The following NRP1 variants were observed in gnomAD, a reference collection of about 807,000 sequenced individuals.
The protein encoded by NRP1 is neuropilin 1.
In NRP1, 35 loss-of-function variants were observed where a neutral mutation model predicts 106.7. That is an observed-to-expected ratio of 0.33 (90% confidence interval 0.25 to 0.43). The LOEUF is 0.43. NRP1 is among the 20% of genes least tolerant of loss of function. The probability of loss-of-function intolerance (pLI) is 1.00; values close to 1 mark genes in which losing one functional copy is unlikely to be tolerated. For missense variants in NRP1, 1,024 were observed against 1,170.4 expected, an observed-to-expected ratio of 0.87 and a Z score of 1.83; for synonymous variants, 437 against 417.9, an observed-to-expected ratio of 1.05 and a Z score of -0.56.
At chr10:33,243,288 T>C (rs1841159906) in intron 6 of NRP1, among the ~76,000 whole-genome samples, 1 of 152,184 alleles carries the variant, frequency 6.6e-6, no homozygotes, top group African/African-American at 2.4e-5. Context: ...ATTATCATAG[T>C]GTTTAAGACA....
At chr10:33,247,146 TAACTTTAAAGATAA>T (rs1426923895) in intron 6 of NRP1, among the ~76,000 whole-genome samples, 5 of 152,232 alleles carry the variant, frequency 3.3e-5, no homozygotes, top group Non-Finnish European at 1.5e-5. Context: ...GGGGAGATTC[TAACTTTAAAGATAA>T]AACAAGGGTT....
Position 33,311,115 on chromosome 10 carries a change from G to A in NRP1, c.248+19593C>T, listed in dbSNP as rs202123472. Among the ~76,000 whole-genome samples the A allele has an allele frequency of 2.6e-5, 4 of 152,196 alleles. No homozygotes were observed. In the East Asian group the frequency reaches 7.7e-4, roughly 29 times the overall value. ...AAACATCTAAGTTAGAGCTAGCAGA[G>A]GGTGTCTAACATGGAGAATACGCAT... On this transcript the variant is annotated intron_variant, in intron 2 of 16. Transcript: ENST00000374867.
At chr10:33,192,723 C>G (rs1378921473) in intron 12 of NRP1, among the ~76,000 whole-genome samples, 1 of 152,196 alleles carries the variant, frequency 6.6e-6, no homozygotes, top group East Asian at 1.9e-4. Context: ...ACGTGTATTA[C>G]ATTTGCTGCA....
At chr10:33,194,914 A>C (rs1170610655) in intron 12 of NRP1, 4 of 337,786 alleles carry the variant, frequency 1.2e-5, no homozygotes, top group Non-Finnish European at 1.8e-5. Context: ...ACAAACATAT[A>C]GGACTACTGA....
intron 6 of NRP1, among the ~76,000 whole-genome samples, chr10:33,249,084 G>GTTTTTTTTA (rs1841643256): frequency 1.4e-5 from 1 of 72,198 alleles, no homozygotes; most frequent in African/African-American, 5.8e-5. Flanking sequence ...TATGTCTCTT[G>GTTTTTTTTA]TTTTTTTTTT....
intron 2 of NRP1, among the ~76,000 whole-genome samples, chr10:33,328,102 T>C (rs763404603): frequency 1.3e-5 from 2 of 152,194 alleles, no homozygotes; most frequent in East Asian, 3.8e-4. Context: ...AAGATTGTTA[T>C]GTAACATCTT....
At chr10:33,210,043 C>T (rs1838174694) in intron 9 of NRP1, among the ~76,000 whole-genome samples, 1 of 152,152 alleles carries the variant, frequency 6.6e-6, no homozygotes, top group Non-Finnish European at 1.5e-5. Context: ...GGAAGCATGT[C>T]AGTGAAGACA....
intron 2 of NRP1, among the ~76,000 whole-genome samples, chr10:33,327,163 A>G (rs1282486526): frequency 6.6e-6 from 1 of 152,192 alleles, no homozygotes; most frequent in African/African-American, 2.4e-5. Flanking sequence ...TGCAGGGTGT[A>G]TCATGTGCAA....
chr10:33,325,982 C>T (rs1021727735), intron 2 of NRP1, among the ~76,000 whole-genome samples: 3 of 152,196 alleles, frequency 2.0e-5, no homozygotes, highest in African/African-American at 2.4e-5. Context: ...TCCCCCAATG[C>T]TACCACCTTT....
intron 2 of NRP1, among the ~76,000 whole-genome samples, chr10:33,290,921 C>T (rs967587521): frequency 6.6e-6 from 1 of 152,140 alleles, no homozygotes; most frequent in Non-Finnish European, 1.5e-5. Context: ...AACATGGTCT[C>T]GTGGCCTGAC....
rs1463719475 is a variant in NRP1 at position 33,207,631 on chromosome 10, T to C, written c.1700A>G (p.Glu567Gly). 1 of 1,614,190 alleles carries C rather than the reference T, an allele frequency of 6.2e-7. No individual in the cohort carries two copies. Among genetic ancestry groups the C allele is most frequent in the Non-Finnish European group, 8.5e-7 (1 of 1,180,020 alleles). ...CCCCAGTCCGCCATGAGTGGCTCTC[T>C]CGGGGTAGATCCTGATGAATCGCGT... ...LSTRFIRIYP[E>G]RATHGGLGLR... The change falls in exon 10 of 17, where the codon GAG (glutamate) becomes GGG (glycine). Residue 567 changes from glutamate to glycine, a missense_variant. Physicochemically the swap from Glu to Gly is moderately conservative, Grantham distance 98. Around this residue, in one of 5 missense-constraint regions of NRP1, gnomAD observed 562 missense variants for 620.3 expected, o/e 0.91. Transcript: ENST00000374867.
intron 12 of NRP1, chr10:33,194,820 A>C (rs761858087): frequency 2.0e-6 from 1 of 498,680 alleles, no homozygotes; most frequent in East Asian, 5.8e-5. Flanking sequence ...AAACATTTAT[A>C]GAAAGGGAAA....
At chr10:33,185,788 T>C in intron 14 of NRP1, 64 bp from the exon 15 acceptor site, 1 of 1,370,074 alleles carries the variant, frequency 7.3e-7, no homozygotes, top group Non-Finnish European at 1.0e-6. Flanking sequence ...TGTTTACAAA[T>C]GCTTGTTCAG....
At chr10:33,286,773 T>G (rs1281884208) in intron 2 of NRP1, among the ~76,000 whole-genome samples, 1 of 152,192 alleles carries the variant, frequency 6.6e-6, no homozygotes, top group African/African-American at 2.4e-5. Flanking sequence ...TATAGCTGTT[T>G]AGTTGCTATG....
chr10:33,224,931 G>C (rs1254332636), intron 7 of NRP1, among the ~76,000 whole-genome samples: 1 of 152,166 alleles, frequency 6.6e-6, no homozygotes, highest in Non-Finnish European at 1.5e-5. Flanking sequence ...TGCCTCATTA[G>C]AGTTAGTGAT....
At chr10:33,294,463 C>G (rs1000603817) in intron 2 of NRP1, among the ~76,000 whole-genome samples, 1 of 151,808 alleles carries the variant, frequency 6.6e-6, no homozygotes, top group Non-Finnish European at 1.5e-5. Flanking sequence ...ACTAAAAATA[C>G]AAAATTAGCC....
intron 6 of NRP1, among the ~76,000 whole-genome samples, chr10:33,226,875 C>T (rs1186141564): frequency 6.6e-6 from 1 of 152,138 alleles, no homozygotes; most frequent in East Asian, 1.9e-4. Flanking sequence ...TGTACATCTT[C>T]TATGTATCTG....
chr10:33,299,638 C>T (rs1029328617), intron 2 of NRP1, among the ~76,000 whole-genome samples: 6 of 152,046 alleles, frequency 3.9e-5, no homozygotes, highest in African/African-American at 7.2e-5. Context: ...ATTTAAAAAT[C>T]GGCTGGTTTT....
chr10:33,194,693 G>A (rs1174524287), intron 12 of NRP1: 6 of 511,930 alleles, frequency 1.2e-5, no homozygotes, highest in Middle Eastern at 6.4e-4. Context: ...TGGCAATTTG[G>A]TTATTTAAAG....
Sources: allele counts gnomAD v4.1 joint callset (sites outside exome capture counted in the v4.1 genomes callset), GRCh38; gene constraint gnomAD v4.1.1; regional missense constraint gnomAD v4.1.1; transcripts MANE v1.5; gene names NCBI Gene and HGNC (gene_info 2026-07-23, HGNC 2026-07-21).